Variants in CNTNAP2 observed in about 807,000 individuals in gnomAD.
CNTNAP2 encodes the protein contactin associated protein 2.
CNTNAP2 carries 98 observed loss-of-function variants against 155.2 expected under a neutral mutation model. The observed-to-expected ratio is 0.63, with a 90% CI of 0.54 to 0.75. The LOEUF (loss-of-function observed/expected upper bound fraction) is 0.75. CNTNAP2 is among the 30% of genes least tolerant of loss of function. CNTNAP2 has a pLI of 0.00. For synonymous variants in CNTNAP2, 651 were observed against 631.2 expected (o/e 1.03, Z -0.47); for missense variants, 1,727 against 1,688.1 (o/e 1.02, Z -0.40).
chr7:147,611,910 A>G lies in CNTNAP2; in HGVS notation c.1898-27196A>G, dbSNP rs561227061. Among the ~76,000 whole-genome samples, 4 of 152,282 alleles carry G rather than the reference A, an allele frequency of 2.6e-5. No individual in the cohort carries two copies. The East Asian group carries it at 5.8e-4, about 22-fold the overall frequency. ...GCATGAAGTGTTTCTCATATATTGC[A>G]TATTTGGGGTGAAAAAAGACAATGA... On this transcript the variant is annotated intron_variant, in intron 12 of 23. Coordinates refer to ENST00000361727, the MANE Select transcript of CNTNAP2 (RefSeq NM_014141.6).
intron 1 of CNTNAP2, among the ~76,000 whole-genome samples, chr7:146,625,737 T>C (rs1465595898): frequency 1.3e-5 from 2 of 152,084 alleles, no homozygotes; most frequent in Admixed American, 1.3e-4. Context: ...CAAAAGACCA[T>C]GTTTTTTTAA....
chr7:147,111,511 A>C (rs993725620), intron 5 of CNTNAP2, among the ~76,000 whole-genome samples: 1 of 152,142 alleles, frequency 6.6e-6, no homozygotes, highest in Non-Finnish European at 1.5e-5. Context: ...GTTTTAAATT[A>C]AAGTCTTTAA....
intron 6 of CNTNAP2, among the ~76,000 whole-genome samples, chr7:147,125,580 T>C (rs1464528655): frequency 6.6e-6 from 1 of 152,222 alleles, no homozygotes. Flanking sequence ...GATATTATGC[T>C]GTTGTCTTTT....
At chr7:148,098,480 G>C (rs1030035777) in intron 15 of CNTNAP2, among the ~76,000 whole-genome samples, 1 of 135,370 alleles carries the variant, frequency 7.4e-6, no homozygotes, top group Non-Finnish European at 1.5e-5. Context: ...GCATGCTTGT[G>C]TGACTGGAGC....
chr7:148,015,019 C>T (rs1037693509), intron 15 of CNTNAP2, among the ~76,000 whole-genome samples: 2 of 152,086 alleles, frequency 1.3e-5, no homozygotes, highest in African/African-American at 4.8e-5. Context: ...TGTTGAGCCC[C>T]ACAAGCAAGC....
At chr7:147,871,379 T>A (rs528566065) in intron 13 of CNTNAP2, among the ~76,000 whole-genome samples, 1 of 152,348 alleles carries the variant, frequency 6.6e-6, no homozygotes, top group East Asian at 1.9e-4. Flanking sequence ...GATATTTTAC[T>A]GGGCTCGGGC....
At chr7:147,477,045 G>C (rs1222282554) in intron 10 of CNTNAP2, among the ~76,000 whole-genome samples, 1 of 151,630 alleles carries the variant, frequency 6.6e-6, no homozygotes, top group East Asian at 1.9e-4. Flanking sequence ...ATATTCCTGT[G>C]CATTTCAGAA....
intron 1 of CNTNAP2, among the ~76,000 whole-genome samples, chr7:146,308,911 G>T (rs932864325): frequency 1.1e-4 from 16 of 151,992 alleles, no homozygotes; most frequent in African/African-American, 3.6e-4. Flanking sequence ...CACCAACATG[G>T]CACATGTGTA....
chr7:146,203,977 T>G (rs1001802901), intron 1 of CNTNAP2, among the ~76,000 whole-genome samples: 1 of 152,158 alleles, frequency 6.6e-6, no homozygotes. Flanking sequence ...ATACTGTACC[T>G]TTACTACATA....
chr7:146,550,066 T>C (rs1798091841), intron 1 of CNTNAP2, among the ~76,000 whole-genome samples: 1 of 152,060 alleles, frequency 6.6e-6, no homozygotes, highest in African/African-American at 2.4e-5. Context: ...AGCAATCACT[T>C]CCAGGTTTTC....
chr7:147,762,155 T>TCTCACA (rs151236161), intron 13 of CNTNAP2, among the ~76,000 whole-genome samples: 10 of 144,350 alleles, frequency 6.9e-5, no homozygotes, highest in African/African-American at 2.6e-4. Flanking sequence ...TCTCTCTGTC[T>TCTCACA]CACACACACA....
chr7:146,605,449 T>G (rs1319603463), intron 1 of CNTNAP2, among the ~76,000 whole-genome samples: 1 of 151,422 alleles, frequency 6.6e-6, no homozygotes, highest in African/African-American at 2.4e-5. Context: ...TCAACTGTAT[T>G]AATGCACTTA....
At chr7:148,001,526 T>G (rs1184163892) in intron 15 of CNTNAP2, among the ~76,000 whole-genome samples, 1 of 152,216 alleles carries the variant, frequency 6.6e-6, no homozygotes, top group African/African-American at 2.4e-5. Context: ...GTGGTTAATG[T>G]CACAAAAGCA....
At chr7:147,690,870 A>C (rs977678498) in intron 13 of CNTNAP2, among the ~76,000 whole-genome samples, 1 of 152,072 alleles carries the variant, frequency 6.6e-6, no homozygotes, top group Non-Finnish European at 1.5e-5. Flanking sequence ...TTGTATTTGC[A>C]ATGTAATTAT....
intron 9 of CNTNAP2, among the ~76,000 whole-genome samples, chr7:147,367,732 C>T (rs1796259160): frequency 6.6e-6 from 1 of 152,050 alleles, no homozygotes; most frequent in Admixed American, 6.6e-5. Flanking sequence ...ACACTTCCGG[C>T]TCCAGTTAAG....
rs188588216 is a variant in CNTNAP2, at chr7:146,847,641, T to G, written c.402+7737T>G. Reference sequence around the variant, plus strand: ...TGAAAATTTAAAATAGCCTGTTACTTCCACTTTATAATAACGTTTTTCTAT... The same window carrying G: ...TGAAAATTTAAAATAGCCTGTTACTGCCACTTTATAATAACGTTTTTCTAT... On this transcript the variant is annotated intron_variant, in intron 3 of 23. Transcript: ENST00000361727. Among the ~76,000 whole-genome samples, 256 of 152,334 alleles carry G rather than the reference T, an allele frequency of 1.7e-3. 1 individual carries two copies. Among genetic ancestry groups the G allele is most frequent in the Non-Finnish European group, 3.0e-3 (204 of 68,022 alleles).
intron 1 of CNTNAP2, among the ~76,000 whole-genome samples, chr7:146,143,778 T>C (rs975186097): frequency 9.9e-5 from 15 of 152,088 alleles, no homozygotes; most frequent in African/African-American, 3.4e-4. Flanking sequence ...TATTTTTTTT[T>C]TTGAAATGGA....
intron 12 of CNTNAP2, among the ~76,000 whole-genome samples, chr7:147,619,938 G>A (rs977724519): frequency 6.6e-6 from 1 of 152,188 alleles, no homozygotes; most frequent in Non-Finnish European, 1.5e-5. Flanking sequence ...TGGCCAAGGA[G>A]TAGTTGTGTC....
At chr7:146,786,674 A>G (rs1481018158) in intron 2 of CNTNAP2, among the ~76,000 whole-genome samples, 1 of 152,232 alleles carries the variant, frequency 6.6e-6, no homozygotes, top group African/African-American at 2.4e-5. Flanking sequence ...TAACATCAAA[A>G]TGTAAACACA....
Sources: allele counts gnomAD v4.1 joint callset (sites outside exome capture counted in the v4.1 genomes callset), GRCh38; gene constraint gnomAD v4.1.1; transcripts MANE v1.5; gene names NCBI Gene and HGNC (gene_info 2026-07-23, HGNC 2026-07-21).